The following PPFIA2 variants were observed in gnomAD, a reference collection of about 807,000 sequenced individuals.
PPFIA2 encodes liprin-alpha-2.
In PPFIA2, 46 loss-of-function variants were observed where a neutral mutation model predicts 175.5. That is an observed-to-expected ratio of 0.26 (90% CI 0.21 to 0.34). The LOEUF (loss-of-function observed/expected upper bound fraction) is 0.34, where lower values mean the gene tolerates loss of function less well. PPFIA2 is among the 10% of genes least tolerant of loss of function. PPFIA2 has a pLI of 1.00. For synonymous variants in PPFIA2, 568 were observed against 511.4 expected, an observed-to-expected ratio of 1.11 and a Z score of -1.49; for missense variants, 1,179 against 1,506.1, an observed-to-expected ratio of 0.78 and a Z score of 3.60.
chr12:81,687,635 A>G (rs2074616468), intron 3 of PPFIA2: 1 of 152,044 alleles, frequency 6.6e-6, no homozygotes, highest in Non-Finnish European at 1.5e-5. Flanking sequence ...TGATCCAGAG[A>G]ACAGGTTCAA....
At chr12:81,436,135 G>T (rs911671715) in intron 7 of PPFIA2, among the ~76,000 whole-genome samples, 6 of 150,788 alleles carry the variant, frequency 4.0e-5, no homozygotes, top group Non-Finnish European at 8.9e-5. Flanking sequence ...AAAAAAATTG[G>T]CTGGGCATGG....
At chr12:81,606,892 C>T (rs914624996) in intron 4 of PPFIA2, among the ~76,000 whole-genome samples, 5 of 151,930 alleles carry the variant, frequency 3.3e-5, no homozygotes, top group South Asian at 2.1e-4. Flanking sequence ...TTGCCAATGC[C>T]GATGTTGAGA....
At chr12:81,520,473 A>G (rs1049839065) in intron 4 of PPFIA2, among the ~76,000 whole-genome samples, 1 of 152,222 alleles carries the variant, frequency 6.6e-6, no homozygotes, top group Admixed American at 6.5e-5. Flanking sequence ...GAAACTATGA[A>G]TATGTGGGGA....
intron 22 of PPFIA2, among the ~76,000 whole-genome samples, chr12:81,325,062 T>G (rs1330995015): frequency 2.6e-5 from 4 of 151,814 alleles, no homozygotes; most frequent in African/African-American, 4.8e-5. Flanking sequence ...AAAAACACAA[T>G]GTAAGGAATA....
intron 4 of PPFIA2, among the ~76,000 whole-genome samples, chr12:81,528,396 C>T (rs771888462): frequency 6.6e-6 from 1 of 152,052 alleles, no homozygotes; most frequent in African/African-American, 2.4e-5. Context: ...AAGAAAATAT[C>T]CGTACGCACT....
intron 8 of PPFIA2, among the ~76,000 whole-genome samples, chr12:81,385,894 T>A (rs1408306306): frequency 6.6e-6 from 1 of 152,128 alleles, no homozygotes; most frequent in Non-Finnish European, 1.5e-5. Flanking sequence ...GATGGATATA[T>A]TAACTTGATT....
chr12:81,653,357 T>C (rs2153535404), intron 4 of PPFIA2, among the ~76,000 whole-genome samples: 1 of 152,236 alleles, frequency 6.6e-6, no homozygotes, highest in Non-Finnish European at 1.5e-5. Flanking sequence ...TTAGATCCTT[T>C]GTTCCTTGTC....
At chr12:81,512,936 A>G (rs975482858) in intron 4 of PPFIA2, among the ~76,000 whole-genome samples, 40 of 152,184 alleles carry the variant, frequency 2.6e-4, no homozygotes, top group African/African-American at 9.4e-4. Flanking sequence ...TGAACAGAAA[A>G]ATAAATAATC....
intron 4 of PPFIA2, among the ~76,000 whole-genome samples, chr12:81,504,416 G>A (rs1326056635): frequency 1.3e-5 from 2 of 152,116 alleles, no homozygotes; most frequent in African/African-American, 2.4e-5. Flanking sequence ...CTGGTCATTA[G>A]AGAAATGCAA....
intron 4 of PPFIA2, among the ~76,000 whole-genome samples, chr12:81,480,852 C>A (rs546336249): frequency 6.6e-6 from 1 of 152,220 alleles, no homozygotes; most frequent in South Asian, 2.1e-4. Context: ...TCCTCTCTTA[C>A]CACTCCTATT....
chr12:81,561,286 C>G (rs1346432363), intron 4 of PPFIA2, among the ~76,000 whole-genome samples: 1 of 152,104 alleles, frequency 6.6e-6, no homozygotes, highest in Non-Finnish European at 1.5e-5. Flanking sequence ...TTTAATCTCA[C>G]TAGTTTCAGA....
rs2145887099 is a variant in PPFIA2 at position 81,460,505 on chromosome 12, G to A, written c.304-2639C>T. Reference sequence around the variant, plus strand: ...CCCCCTTAATTAGTCCAAGAGTGTGGGGAACTAGAAGGTCCAAAGTATAGT... The same window carrying A: ...CCCCCTTAATTAGTCCAAGAGTGTGAGGAACTAGAAGGTCCAAAGTATAGT... On this transcript the variant is annotated intron_variant, in intron 4 of 32. Transcript: ENST00000549396. Among the ~76,000 whole-genome samples, 3 of 152,122 alleles carry A rather than the reference G, an allele frequency of 2.0e-5. No homozygotes were observed. The Middle Eastern group carries it at 0.01, about 517-fold the overall frequency.
At chr12:81,725,358 C>T (rs1384014220) in intron 3 of PPFIA2, among the ~76,000 whole-genome samples, 1 of 150,856 alleles carries the variant, frequency 6.6e-6, no homozygotes. Context: ...AGTTTCTGAT[C>T]ACAGTGCATT....
At chr12:81,680,594 G>GAGGC (rs2073431720) in intron 3 of PPFIA2, among the ~76,000 whole-genome samples, 1 of 151,910 alleles carries the variant, frequency 6.6e-6, no homozygotes, top group Non-Finnish European at 1.5e-5. Context: ...CATGACAAAG[G>GAGGC]AGGCAGTCTT....
intron 27 of PPFIA2, 159 bp from the exon 28 acceptor site, chr12:81,277,573 C>A: frequency 1.2e-6 from 1 of 802,856 alleles, no homozygotes; most frequent in Non-Finnish European, 1.7e-6. Flanking sequence ...GAGGGAAATA[C>A]ATTTATAATT....
intron 22 of PPFIA2, among the ~76,000 whole-genome samples, chr12:81,300,888 T>A (rs1594280428): frequency 6.6e-6 from 1 of 152,162 alleles, no homozygotes; most frequent in Non-Finnish European, 1.5e-5. Flanking sequence ...GACTGAGACT[T>A]GTGTTTGGTG....
At chr12:81,688,758 AT>A (rs2074799541) in intron 3 of PPFIA2, among the ~76,000 whole-genome samples, 1 of 148,788 alleles carries the variant, frequency 6.7e-6, no homozygotes, top group African/African-American at 2.5e-5. Context: ...ACAAGGCAGA[AT>A]TTTTTGTGAA....
At chr12:81,478,944 A>G (rs1260909953) in intron 4 of PPFIA2, among the ~76,000 whole-genome samples, 1 of 152,182 alleles carries the variant, frequency 6.6e-6, no homozygotes, top group Non-Finnish European at 1.5e-5. Context: ...CACTTGGTCC[A>G]GAGCTGAATT....
chr12:81,402,416 G>C (rs1282508854), intron 8 of PPFIA2, among the ~76,000 whole-genome samples: 4 of 151,900 alleles, frequency 2.6e-5, no homozygotes, highest in Non-Finnish European at 5.9e-5. Context: ...AATATACCTT[G>C]AATAATCATG....
Sources: allele counts gnomAD v4.1 joint callset (sites outside exome capture counted in the v4.1 genomes callset), GRCh38; gene constraint gnomAD v4.1.1; transcripts MANE v1.5; gene names NCBI Gene and HGNC (gene_info 2026-07-23, HGNC 2026-07-21).